SMARCAD1: variants seen among roughly 807,000 people sequenced by gnomAD.
SMARCAD1 encodes SWI/SNF-related matrix-associated actin-dependent regulator of chromatin subfamily A containing DEAD/H box 1.
A neutral mutation model predicts 127.1 loss-of-function variants in SMARCAD1; 25 were observed. The ratio of observed to expected loss-of-function variants is 0.20; its 90% CI spans 0.14 to 0.27. SMARCAD1 has a LOEUF of 0.27. Ranked by LOEUF, SMARCAD1 falls within the 10% of genes least tolerant of loss-of-function variation. SMARCAD1 has a pLI of 1.00. For missense variants in SMARCAD1, 807 were observed against 1,206.0 expected (o/e 0.67, Z 4.90); for synonymous variants, 400 against 396.9 (o/e 1.01, Z -0.09).
intron 3 of SMARCAD1, among the ~76,000 whole-genome samples, chr4:94,230,042 A>G (rs1156645662): frequency 1.3e-5 from 2 of 152,028 alleles, no homozygotes; most frequent in African/African-American, 2.4e-5. Flanking sequence ...ATTATTAATT[A>G]ATTAATTTAA....
At chr4:94,226,088 A>G in intron 2 of SMARCAD1, 31 bp from the exon 3 acceptor site, 1 of 1,572,144 alleles carries the variant, frequency 6.4e-7, no homozygotes, top group South Asian at 1.1e-5. Flanking sequence ...CAGTTGCTCA[A>G]AATATTTTTC....
intron 22 of SMARCAD1, 63 bp from the exon 23 acceptor site, chr4:94,284,897 G>A: frequency 1.0e-6 from 1 of 996,590 alleles, no homozygotes; most frequent in Admixed American, 1.8e-5. Context: ...CTTAAATATA[G>A]TTTACATATA....
intron 6 of SMARCAD1, among the ~76,000 whole-genome samples, chr4:94,243,767 A>G (rs1024702197): frequency 2.0e-5 from 3 of 152,154 alleles, no homozygotes; most frequent in African/African-American, 7.2e-5. Flanking sequence ...GCCTCTTTTT[A>G]CCATGTATAT....
chr4:94,224,711 T>A (rs928756608), intron 2 of SMARCAD1, among the ~76,000 whole-genome samples: 5 of 152,214 alleles, frequency 3.3e-5, no homozygotes, highest in African/African-American at 1.2e-4. Context: ...GCTAATAGTT[T>A]TAGGGTATAA....
intron 5 of SMARCAD1, among the ~76,000 whole-genome samples, chr4:94,237,778 C>G (rs1746918273): frequency 6.6e-6 from 1 of 152,074 alleles, no homozygotes; most frequent in South Asian, 2.1e-4. Flanking sequence ...AACTGTTTCC[C>G]TATTAGCACT....
rs779891396 is a variant in SMARCAD1 at position 94,249,677 on chromosome 4, A to C, written c.729A>C (p.Ala243=). 2.0e-5 allele frequency: 32 copies of C among 1,604,890 alleles called. No individual in the cohort carries two copies. Among genetic ancestry groups the C allele is most frequent in the Non-Finnish European group, 2.7e-5 (32 of 1,172,108 alleles). ...AGGGAGAGGAATCAAATGAGTCTGC[A>C]GAATCTAGCAGTAATTGGGAAAAGC... ...LDHGEESNES[A]ESSSNWEKQE... Residue 243 remains alanine (A), a synonymous_variant, in exon 7 of 24, where the codon GCA becomes GCC. Transcript: ENST00000354268.
intron 5 of SMARCAD1, among the ~76,000 whole-genome samples, chr4:94,238,195 C>T (rs995616887): frequency 6.6e-6 from 1 of 152,008 alleles, no homozygotes. Context: ...ATATTTTAAA[C>T]CTTTAATTTC....
In SMARCAD1 at chr4:94,290,194, G is replaced by T; in HGVS notation, c.*660G>T. 1 of 454,430 alleles carries T rather than the reference G, an allele frequency of 2.2e-6. No individual in the cohort carries two copies. The highest frequency in any genetic ancestry group is 1.6e-5 in the South Asian group (1 of 64,466). The allele number at this position is 454,430 out of a possible 1,614,324, so 28.1% of individuals were successfully genotyped here. On this transcript the variant is annotated 3_prime_UTR_variant, in exon 24 of 24. Coordinates refer to ENST00000354268, the MANE Select transcript of SMARCAD1 (RefSeq NM_020159.5). ...TTTCCAGTGAATAGTAACTAAAGAAGCCCCTACCTTGCTCCATGGATTAAT... is the reference window on the plus strand; with the variant it reads ...TTTCCAGTGAATAGTAACTAAAGAATCCCCTACCTTGCTCCATGGATTAAT...
Position 94,290,239 on chromosome 4 carries a change from A to G in SMARCAD1, c.*705A>G, listed in dbSNP as rs1041046841. 1.5e-5 allele frequency: 7 copies of G among 454,378 alleles called. No individual in the cohort carries two copies. Among genetic ancestry groups the G allele is most frequent in the African/African-American group, 4.0e-5 (2 of 49,988 alleles). The allele number at this position is 454,378 out of a possible 1,614,324, so 28.1% of individuals were successfully genotyped here. A position where few individuals can be genotyped will look rare whatever the true frequency, so the allele number is the denominator to read the frequency against. ...ATTAATTCCTTCTGTTCATTTTCCA[A>G]CTGCACTAATTGTGCATATTACTCT... On this transcript the variant is annotated 3_prime_UTR_variant, in exon 24 of 24. Transcript: ENST00000354268.
intron 21 of SMARCAD1, 77 bp from the exon 22 acceptor site, chr4:94,283,044 T>A: frequency 8.0e-7 from 1 of 1,244,312 alleles, no homozygotes; most frequent in Non-Finnish European, 1.2e-6. Context: ...CTTTTTCATG[T>A]GATAATGATT....
At chr4:94,254,526 C>T (rs1749761108) in intron 9 of SMARCAD1, among the ~76,000 whole-genome samples, 1 of 152,112 alleles carries the variant, frequency 6.6e-6, no homozygotes, top group Non-Finnish European at 1.5e-5. Flanking sequence ...AGCAACTTAA[C>T]ATGTGGAAAG....
intron 21 of SMARCAD1, among the ~76,000 whole-genome samples, chr4:94,282,091 C>CGTTTTTTTTTT (rs1560568856): frequency 0.013 from 15 of 1,160 alleles, 1 homozygote; most frequent in Non-Finnish European, 0.016. Context: ...CATGCAAATA[C>CGTTTTTTTTTT]GTTTTTTTGT....
Position 94,252,923 on chromosome 4 carries a change from T to G in SMARCAD1, c.1197T>G (p.Gly399=), listed in dbSNP as rs1333179497. ...ACTTCCTTCAAGATGCTTCAATTGG[T>G]GAACTTACTTTGATTCCTCAGTGTT... ...ILHFLQDASI[G]ELTLIPQCSQ... The change falls in exon 9 of 24, where the codon GGT becomes GGG. Residue 399 remains glycine (G), a synonymous_variant. Transcript: ENST00000354268. 1.9e-6 allele frequency: 3 copies of G among 1,614,116 alleles called. No individual in the cohort carries two copies.
chr4:94,215,816 TTTTC>T (rs1215115969), intron 2 of SMARCAD1, among the ~76,000 whole-genome samples: 7 of 152,194 alleles, frequency 4.6e-5, no homozygotes, highest in African/African-American at 1.7e-4. Context: ...TATTGTTGCT[TTTTC>T]TTTATTTTTT....
At chr4:94,261,046 C>T (rs1023618713) in intron 9 of SMARCAD1, among the ~76,000 whole-genome samples, 4 of 151,422 alleles carry the variant, frequency 2.6e-5, no homozygotes, top group African/African-American at 9.7e-5. Context: ...ATGATAATGA[C>T]AGATTAGATC....
At chr4:94,229,532 A>G (rs1345004265) in intron 3 of SMARCAD1, among the ~76,000 whole-genome samples, 2 of 152,032 alleles carry the variant, frequency 1.3e-5, no homozygotes, top group Non-Finnish European at 2.9e-5. Context: ...GATTCCTATC[A>G]TTTTCCTTTC....
In SMARCAD1 at chr4:94,290,483, T is replaced by G. The variant is rs1270453658; in HGVS notation, c.*949T>G. 1 of 454,408 alleles carries G rather than the reference T, an allele frequency of 2.2e-6. No homozygotes were observed. The highest frequency in any genetic ancestry group is 4.4e-6 in the Non-Finnish European group (1 of 226,778). The allele number at this position is 454,408 out of a possible 1,614,324, so 28.1% of individuals were successfully genotyped here. On this transcript the variant is annotated 3_prime_UTR_variant, in exon 24 of 24. Coordinates refer to ENST00000354268, the MANE Select transcript of SMARCAD1 (RefSeq NM_020159.5). ...ATTTCAAAGCAGACTGAATGTGACTTCATCTAAAGGCAGCATTAGGTACTG... is the reference window on the plus strand; with the variant it reads ...ATTTCAAAGCAGACTGAATGTGACTGCATCTAAAGGCAGCATTAGGTACTG...
chr4:94,265,567 C>G (rs901798724), intron 10 of SMARCAD1, among the ~76,000 whole-genome samples: 1 of 151,360 alleles, frequency 6.6e-6, no homozygotes, highest in East Asian at 1.9e-4. Flanking sequence ...TAATTGTGAT[C>G]GCCCACATTT....
chr4:94,208,328 T>C lies in SMARCAD1; in HGVS notation c.-49-18T>C. On this transcript the variant is annotated intron_variant, in intron 1 of 23. Coordinates refer to ENST00000354268, the MANE Select transcript of SMARCAD1 (RefSeq NM_020159.5). Reference sequence around the variant, plus strand: ...TGTTTTCATGGCCTTTTTTCCTCTCTTTATTTTTCCCCTGCAGATAGTTCA... The same window carrying C: ...TGTTTTCATGGCCTTTTTTCCTCTCCTTATTTTTCCCCTGCAGATAGTTCA... 6.5e-7 allele frequency: 1 copy of C among 1,541,940 alleles called. No individual in the cohort carries two copies. The highest frequency in any genetic ancestry group is 1.1e-5 in the South Asian group (1 of 89,466).
Sources: allele counts gnomAD v4.1 joint callset (sites outside exome capture counted in the v4.1 genomes callset), GRCh38; gene constraint gnomAD v4.1.1; transcripts MANE v1.5; gene names NCBI Gene and HGNC (gene_info 2026-07-23, HGNC 2026-07-21).